OSBPL9: variants seen among roughly 807,000 people sequenced by gnomAD.
The protein encoded by OSBPL9 is oxysterol binding protein like 9.
In OSBPL9, 40 loss-of-function variants were observed where a neutral mutation model predicts 106.6. The observed-to-expected ratio is 0.38, with a 90% CI of 0.29 to 0.49. The LOEUF (loss-of-function observed/expected upper bound fraction) is 0.49, where lower values mean the gene tolerates loss of function less well. Among genes scored for constraint, OSBPL9 ranks in the 20% least tolerant of loss-of-function variants. The probability of loss-of-function intolerance (pLI) is 0.97; values close to 1 mark genes in which losing one functional copy is unlikely to be tolerated. For missense variants in OSBPL9, 609 were observed against 887.2 expected, an observed-to-expected ratio of 0.69 and a Z score of 3.98; for synonymous variants, 269 against 295.4, an observed-to-expected ratio of 0.91 and a Z score of 0.92.
intron 2 of OSBPL9, among the ~76,000 whole-genome samples, chr1:51,666,634 C>A (rs969743085): frequency 6.6e-6 from 1 of 152,142 alleles, no homozygotes; most frequent in African/African-American, 2.4e-5. Context: ...CTAGTTAATG[C>A]TGCCAGCTAT....
chr1:51,578,935 A>G (rs889398740), intron 1 of OSBPL9, among the ~76,000 whole-genome samples: 1 of 152,288 alleles, frequency 6.6e-6, no homozygotes, highest in Non-Finnish European at 1.5e-5. Context: ...CAGAGAAGGC[A>G]TGCCTGAATG....
At chr1:51,573,683 G>A (rs1459352946), upstream of OSBPL9, among the ~76,000 whole-genome samples, 5 of 151,464 alleles carry the variant, frequency 3.3e-5, no homozygotes, top group South Asian at 2.1e-4. Context: ...GCAGGGTGGC[G>A]TGAGCCTTTA....
chr1:51,635,128 T>C (rs1262672725), intron 1 of OSBPL9, among the ~76,000 whole-genome samples: 1 of 152,214 alleles, frequency 6.6e-6, no homozygotes, highest in East Asian at 1.9e-4. Context: ...TAGATCATTT[T>C]ACCTGTGGGA....
intron 3 of OSBPL9, among the ~76,000 whole-genome samples, chr1:51,673,864 T>C (rs1218455263): frequency 3.3e-5 from 5 of 151,590 alleles, no homozygotes; most frequent in Non-Finnish European, 5.9e-5. Flanking sequence ...CTGGGCAATA[T>C]AGTGATGCCC....
rs1045181351 is a variant in OSBPL9 at position 51,729,998 on chromosome 1, C to A, written c.319-15538C>A. 3.8e-6 allele frequency: 5 copies of A among 1,315,980 alleles called. No individual in the cohort carries two copies. In the African/African-American group the frequency reaches 7.5e-5, roughly 20 times the overall value. 81.5% of individuals were successfully genotyped at this position (1,315,980 alleles called of 1,614,324 possible). ...GAATGGCTTTCTTGCTGGCCACTTG[C>A]GGAGTGAGTAGACCCCGAGGGTCTG... On this transcript the variant is annotated intron_variant, in intron 4 of 23. Coordinates refer to ENST00000428468, the MANE Select transcript of OSBPL9 (RefSeq NM_024586.6). The surrounding 1 kb of genome is among the most constrained non-coding windows in gnomAD (Gnocchi z 5.1).
the OSBPL9 span, among the ~76,000 whole-genome samples, chr1:51,563,279 AC>A: frequency 6.6e-6 from 1 of 152,046 alleles, no homozygotes; most frequent in Non-Finnish European, 1.5e-5. Flanking sequence ...ATTCATGGAC[AC>A]CCTTTCTCCT....
chr1:51,652,945 C>T (rs906941970), intron 2 of OSBPL9, among the ~76,000 whole-genome samples: 1 of 152,140 alleles, frequency 6.6e-6, no homozygotes, highest in Non-Finnish European at 1.5e-5. Flanking sequence ...TTTCTTCCAC[C>T]TTTTTTTCTG....
chr1:51,741,758 T>A (rs1666968621), intron 4 of OSBPL9, among the ~76,000 whole-genome samples: 1 of 152,210 alleles, frequency 6.6e-6, no homozygotes, highest in Non-Finnish European at 1.5e-5. Flanking sequence ...CTAATTTAAT[T>A]TCTTGTTACA....
intron 3 of OSBPL9, among the ~76,000 whole-genome samples, chr1:51,697,180 G>GAAAGAAA (rs111515973): frequency 0.16 from 24,413 of 150,544 alleles, 2,385 homozygotes; most frequent in Middle Eastern, 0.31. Context: ...AAAAAAAAAA[G>GAAAGAAA]AAAGAAAAAA....
At chr1:51,595,954 C>G (rs565568254) in intron 1 of OSBPL9, among the ~76,000 whole-genome samples, 46 of 152,228 alleles carry the variant, frequency 3.0e-4, no homozygotes, top group African/African-American at 1.1e-3. Flanking sequence ...CTTCATTCAT[C>G]TATTCAATAT....
chr1:51,626,470 A>G (rs1017984114), intron 1 of OSBPL9, among the ~76,000 whole-genome samples: 2 of 151,974 alleles, frequency 1.3e-5, no homozygotes, highest in Non-Finnish European at 1.5e-5. Context: ...AACAGTTGTA[A>G]TCATTTTATA....
At chr1:51,769,066 A>G (rs1230426507) in intron 12 of OSBPL9, among the ~76,000 whole-genome samples, 1 of 152,182 alleles carries the variant, frequency 6.6e-6, no homozygotes, top group Non-Finnish European at 1.5e-5. Flanking sequence ...AGATTCTTTC[A>G]GGTTGGGTAT....
At chr1:51,787,667 G>T (rs1479372389) in intron 23 of OSBPL9, 48 bp from the exon 24 acceptor site, 1 of 1,600,258 alleles carries the variant, frequency 6.2e-7, no homozygotes, top group South Asian at 1.1e-5. Context: ...GTATATTACA[G>T]AAGTACAAAG....
At position 51,756,309 on chromosome 1, in the gene OSBPL9, T is replaced by G; in HGVS notation, c.544-11T>G. The stretch of plus-strand genomic sequence containing the variant: ...AGAATGAAGTTAATATTTTTAACAT[T>G]TTTCCTTAAGGACCAGAGTAATGCG... On this transcript the variant is annotated splice_polypyrimidine_tract_variant and intron_variant, in intron 8 of 23. Coordinates refer to ENST00000428468, the MANE Select transcript of OSBPL9 (RefSeq NM_024586.6). 1 of 1,610,188 alleles carries G rather than the reference T, an allele frequency of 6.2e-7. No homozygotes were observed.
chr1:51,560,207 G>A, the OSBPL9 span, among the ~76,000 whole-genome samples: 2 of 152,226 alleles, frequency 1.3e-5, no homozygotes, highest in African/African-American at 4.8e-5. Flanking sequence ...ATGGGACTTT[G>A]CAGGATATAC....
intron 1 of OSBPL9, among the ~76,000 whole-genome samples, chr1:51,641,407 G>A (rs752888519): frequency 3.3e-5 from 5 of 152,152 alleles, no homozygotes; most frequent in Non-Finnish European, 5.9e-5. Flanking sequence ...TTGTGGGGAT[G>A]TAAACATTCA....
At chr1:51,629,627 G>A (rs1202599306) in intron 1 of OSBPL9, among the ~76,000 whole-genome samples, 2 of 152,104 alleles carry the variant, frequency 1.3e-5, no homozygotes, top group Non-Finnish European at 1.5e-5. Context: ...CTGACAAAAG[G>A]CAGATTCATA....
intron 3 of OSBPL9, among the ~76,000 whole-genome samples, chr1:51,676,840 C>CTA (rs1235301785): frequency 6.6e-6 from 1 of 152,074 alleles, no homozygotes; most frequent in Non-Finnish European, 1.5e-5. Flanking sequence ...TGTTAATGTT[C>CTA]TACATGTTCC....
At chr1:51,660,091 A>G (rs1291920946) in intron 2 of OSBPL9, among the ~76,000 whole-genome samples, 1 of 152,206 alleles carries the variant, frequency 6.6e-6, no homozygotes, top group Non-Finnish European at 1.5e-5. Flanking sequence ...ATCAGACATT[A>G]TCACTTAGTA....
Sources: allele counts gnomAD v4.1 joint callset (sites outside exome capture counted in the v4.1 genomes callset), GRCh38; gene constraint gnomAD v4.1.1; non-coding constraint Gnocchi (gnomAD v3.1); transcripts MANE v1.5; gene names NCBI Gene and HGNC (gene_info 2026-07-23, HGNC 2026-07-21).